Variants in ADGRG6 observed in about 807,000 individuals in gnomAD.
ADGRG6 encodes the protein adhesion G protein-coupled receptor G6.
Under a neutral mutation model 142.4 loss-of-function variants are expected in ADGRG6, and 84 were observed. That is an observed-to-expected ratio of 0.59 (90% CI 0.49 to 0.71). ADGRG6 has a LOEUF of 0.71. Among genes scored for constraint, ADGRG6 ranks in the 30% least tolerant of loss-of-function variants. The probability of loss-of-function intolerance (pLI) is 0.00; values close to 1 mark genes in which losing one functional copy is unlikely to be tolerated. For missense variants in ADGRG6, 1,367 were observed against 1,466.6 expected (o/e 0.93, Z 1.11); for synonymous variants, 521 against 520.5 (o/e 1.00, Z -0.01).
At chr6:142,405,622 T>C in intron 14 of ADGRG6, 66 bp from the exon 15 acceptor site, 1 of 1,279,592 alleles carries the variant, frequency 7.8e-7, no homozygotes, top group African/African-American at 1.5e-5. Context: ...TAACTATACA[T>C]GTGGAATAAA....
chr6:142,444,545 A>G lies in ADGRG6; in HGVS notation c.*1030A>G, dbSNP rs1368569392. ...GAATATGAAGTGAGACATATGGGTG[A>G]GTCATAATAATCAAAATAATTTATG... On this transcript the variant is annotated 3_prime_UTR_variant, in exon 25 of 25. Coordinates refer to ENST00000367609, the MANE Select transcript of ADGRG6 (RefSeq NM_198569.3). 2.6e-5 allele frequency: 4 copies of G among 152,202 alleles called. No homozygotes were observed. Among genetic ancestry groups the G allele is most frequent in the Non-Finnish European group, 4.4e-5 (3 of 68,026 alleles). 9.4% of individuals were successfully genotyped at this position (152,202 alleles called of 1,614,324 possible).
intron 24 of ADGRG6, among the ~76,000 whole-genome samples, chr6:142,438,965 A>G (rs1365410805): frequency 6.6e-6 from 1 of 152,188 alleles, no homozygotes; most frequent in Admixed American, 6.5e-5. Context: ...CATGTATGTG[A>G]AAAATCCTGA....
chr6:142,417,186 AT>A (rs1776405317), intron 20 of ADGRG6, 86 bp from the exon 21 acceptor site: 1 of 732,082 alleles, frequency 1.4e-6, no homozygotes, highest in African/African-American at 1.8e-5. Flanking sequence ...TCTTCTTTTC[AT>A]TTCTTTTCTT....
chr6:142,338,027 T>TTTTTTTTTTTTTTG (rs892007926), intron 2 of ADGRG6, among the ~76,000 whole-genome samples: 3,595 of 57,136 alleles, frequency 0.063, 374 homozygotes, highest in African/African-American at 0.071. Flanking sequence ...GTTTTTTTTT[T>TTTTTTTTTTTTTTG]TTTTTTTTTT....
At chr6:142,353,046 T>G (rs1780265820) in intron 2 of ADGRG6, among the ~76,000 whole-genome samples, 1 of 152,174 alleles carries the variant, frequency 6.6e-6, no homozygotes, top group South Asian at 2.1e-4. Flanking sequence ...GTATTGGCAT[T>G]ACACAGTGTC....
intron 1 of ADGRG6, among the ~76,000 whole-genome samples, chr6:142,306,238 GT>G (rs1777489280): frequency 6.6e-6 from 1 of 152,128 alleles, no homozygotes; most frequent in African/African-American, 2.4e-5. Context: ...ATGGAAAGTG[GT>G]AGGTTTTTAA....
At chr6:142,367,169 A>G (rs1780981641) in intron 2 of ADGRG6, among the ~76,000 whole-genome samples, 1 of 152,054 alleles carries the variant, frequency 6.6e-6, no homozygotes, top group Non-Finnish European at 1.5e-5. Flanking sequence ...CAGTTCAGTT[A>G]CCCTCTAGAG....
At chr6:142,368,894 A>G (rs1206207444) in intron 3 of ADGRG6, among the ~76,000 whole-genome samples, 1 of 152,158 alleles carries the variant, frequency 6.6e-6, no homozygotes, top group African/African-American at 2.4e-5. Flanking sequence ...CACTAATAAA[A>G]TGTTGATGGA....
chr6:142,377,399 C>T (rs1781553359), intron 4 of ADGRG6, among the ~76,000 whole-genome samples: 3 of 152,244 alleles, frequency 2.0e-5, no homozygotes, highest in South Asian at 2.1e-4. Flanking sequence ...GCTCCACCCA[C>T]CTCCCACAAG....
intron 22 of ADGRG6, among the ~76,000 whole-genome samples, chr6:142,423,550 C>T (rs1198940589): frequency 6.7e-6 from 1 of 149,206 alleles, no homozygotes; most frequent in Non-Finnish European, 1.5e-5. Flanking sequence ...GGTACCAGTA[C>T]CATGCTGTTT....
At chr6:142,395,747 C>T (rs1365714534) in intron 9 of ADGRG6, among the ~76,000 whole-genome samples, 9 of 152,110 alleles carry the variant, frequency 5.9e-5, no homozygotes, top group Non-Finnish European at 2.9e-5. Context: ...TTTCTATTCT[C>T]TATGGCTCTT....
chr6:142,349,365 C>T (rs1175740482), intron 2 of ADGRG6, among the ~76,000 whole-genome samples: 3 of 152,196 alleles, frequency 2.0e-5, no homozygotes, highest in Non-Finnish European at 4.4e-5. Flanking sequence ...CCAACAGCGG[C>T]CTCAGCAGAT....
At chr6:142,375,111 T>C (rs935170802) in intron 4 of ADGRG6, among the ~76,000 whole-genome samples, 11 of 152,208 alleles carry the variant, frequency 7.2e-5, no homozygotes, top group African/African-American at 2.7e-4. Flanking sequence ...TTCTATTCTT[T>C]GCTTTTATGA....
intron 2 of ADGRG6, among the ~76,000 whole-genome samples, chr6:142,339,407 C>A (rs73578355): frequency 0.015 from 2,226 of 152,224 alleles, 47 homozygotes; most frequent in African/African-American, 0.051. Context: ...AACATGCTTC[C>A]ATCAGGGCTA....
chr6:142,437,310 A>T (rs1241403336), intron 22 of ADGRG6, 124 bp from the exon 23 acceptor site: 6 of 561,844 alleles, frequency 1.1e-5, no homozygotes, highest in Non-Finnish European at 3.2e-6. Context: ...TTTCCTTAAG[A>T]TCTTTGTTTC....
chr6:142,380,655 C>T (rs1219364854), intron 4 of ADGRG6, among the ~76,000 whole-genome samples: 1 of 152,150 alleles, frequency 6.6e-6, no homozygotes, highest in Non-Finnish European at 1.5e-5. Context: ...TACTTTCTTA[C>T]CCCTGGCTCT....
At chr6:142,430,096 G>T (rs1777138288) in intron 22 of ADGRG6, among the ~76,000 whole-genome samples, 1 of 152,046 alleles carries the variant, frequency 6.6e-6, no homozygotes, top group Non-Finnish European at 1.5e-5. Context: ...GCCAGAGTAT[G>T]TTATGCTCAT....
intron 4 of ADGRG6, among the ~76,000 whole-genome samples, chr6:142,377,353 A>C (rs974475328): frequency 6.6e-6 from 1 of 152,228 alleles, no homozygotes; most frequent in Non-Finnish European, 1.5e-5. Flanking sequence ...TGGAGAGAGC[A>C]GCCTCCTCCC....
chr6:142,379,189 A>G (rs1162605144), intron 4 of ADGRG6, among the ~76,000 whole-genome samples: 1 of 152,114 alleles, frequency 6.6e-6, no homozygotes, highest in African/African-American at 2.4e-5. Context: ...TATTAGATCG[A>G]TATGTACCAG....
Sources: allele counts gnomAD v4.1 joint callset (sites outside exome capture counted in the v4.1 genomes callset), GRCh38; gene constraint gnomAD v4.1.1; transcripts MANE v1.5; gene names NCBI Gene and HGNC (gene_info 2026-07-23, HGNC 2026-07-21).